The following RP1L1 variants were observed in gnomAD, a reference collection of about 807,000 sequenced individuals.
RP1L1 encodes the protein RP1 like 1, also known as retinitis pigmentosa 1-like 1 protein.
A neutral mutation model predicts 15.7 loss-of-function variants in RP1L1; 27 were observed. The observed-to-expected ratio is 1.72, with a 90% CI of 1.27 to 2.38. The LOEUF is 2.38. Among genes scored for constraint, RP1L1 ranks in the 30% most tolerant of loss-of-function variants. RP1L1 has a pLI of 0.00. For synonymous variants in RP1L1, 1,813 were observed against 1,276.7 expected, an observed-to-expected ratio of 1.42 and a Z score of -8.96; for missense variants, 4,798 against 3,075.9, an observed-to-expected ratio of 1.56 and a Z score of -13.24.
intron 1 of RP1L1, among the ~76,000 whole-genome samples, chr8:10,625,315 C>A (rs556810091): frequency 6.6e-6 from 1 of 152,280 alleles, no homozygotes; most frequent in African/African-American, 2.4e-5. Context: ...CAGAAGCTCC[C>A]AGGAGGGAGA....
chr8:10,651,273 C>G (rs1798556101), intron 1 of RP1L1, among the ~76,000 whole-genome samples: 1 of 152,130 alleles, frequency 6.6e-6, no homozygotes, highest in African/African-American at 2.4e-5. Context: ...TGTGTTTTAC[C>G]AAAACCTCCA....
chr8:10,630,668 G>T (rs1346377184), intron 1 of RP1L1, among the ~76,000 whole-genome samples: 1 of 152,164 alleles, frequency 6.6e-6, no homozygotes, highest in Non-Finnish European at 1.5e-5. Flanking sequence ...CAGGCAAATT[G>T]CCCTCCATTG....
chr8:10,650,316 T>C (rs7838734), intron 1 of RP1L1, among the ~76,000 whole-genome samples: 8,384 of 152,292 alleles, frequency 0.055, 687 homozygotes, highest in African/African-American at 0.18. Context: ...CTGGGAATTT[T>C]GTTTCCCATA....
chr8:10,610,186 C>T lies in RP1L1; in HGVS notation c.3912G>A (p.Glu1304=). ...CTCCTTCTGTTCCTTCTTTAGTTTC[C>T]TCTAATTGCACCTCTTCTTGCACTG... The part of the protein sequence containing the change: ...ENTVQEEVQL[E]ETKEGTEGEG... Residue 1304 remains glutamate, a synonymous_variant, in exon 4 of 4, where the codon GAG becomes GAA. Coordinates refer to ENST00000382483, the MANE Select transcript of RP1L1 (RefSeq NM_178857.6). The T allele has an allele frequency of 6.2e-7, 1 of 1,614,026 alleles. No individual in the cohort carries two copies. Among genetic ancestry groups the T allele is most frequent in the Non-Finnish European group, 8.5e-7 (1 of 1,179,914 alleles).
Position 10,607,286 on chromosome 8 carries a change from G to C in RP1L1, c.6812C>G (p.Pro2271Arg), listed in dbSNP as rs183232880. 4,274 of 1,614,230 alleles carry C rather than the reference G, an allele frequency of 2.6e-3. 11 individuals carry two copies. Among genetic ancestry groups the C allele is most frequent in the Non-Finnish European group, 2.5e-3 (3,006 of 1,180,044 alleles). Residue 2271 changes from proline to arginine, a missense_variant, in exon 4 of 4, where the codon CCA becomes CGA. Physicochemically the swap from Pro to Arg is moderately radical, Grantham distance 103. Transcript: ENST00000382483. ...TGGAGTGGGCCTGTCCTCAGGGACT[G>C]GGCTGCTGCTTTCAGAAGCCTCCTC... is the stretch of plus-strand genomic sequence containing the variant. ...QSEEASESSS[P>R]VPEDRPTPPP...
In RP1L1 at chr8:10,610,550, T is replaced by G. The variant is rs779815038; in HGVS notation, c.3548A>C (p.Asp1183Ala). ...CTCCGTCATGGCATGGGACCCAAGGTCTGGCAGAGCCTGGCTCCATGTGAG... is the reference window on the plus strand; with the variant it reads ...CTCCGTCATGGCATGGGACCCAAGGGCTGGCAGAGCCTGGCTCCATGTGAG... ...WELTWSQALPDLGSHAMTENF... is the reference protein window; with the variant it reads ...WELTWSQALPALGSHAMTENF... The change falls in exon 4 of 4, where the codon GAC (aspartate) becomes GCC (alanine). Residue 1183 changes from aspartate to alanine, a missense_variant. Transcript: ENST00000382483. 6.8e-6 allele frequency: 11 copies of G among 1,613,566 alleles called. No individual in the cohort carries two copies. The highest frequency in any genetic ancestry group is 3.3e-5 in the Admixed American group (2 of 60,020).
rs200515334 is a variant in RP1L1 at position 10,607,837 on chromosome 8, G to C, written c.6261C>G (p.Ala2087=). Residue 2087 remains alanine (A), a synonymous_variant, in exon 4 of 4, where the codon GCC becomes GCG. Coordinates refer to ENST00000382483, the MANE Select transcript of RP1L1 (RefSeq NM_178857.6). ...EAHPESEDVD[A]QEAEGEAQPE... The stretch of plus-strand genomic sequence containing the variant: ...GCTGGGCCTCCCCTTCTGCCTCCTG[G>C]GCATCTACATCTTCTGACTCTGGGT... 6.3e-7 allele frequency: 1 copy of C among 1,589,470 alleles called. No homozygotes were observed. Among genetic ancestry groups the C allele is most frequent in the South Asian group, 1.1e-5 (1 of 90,048 alleles).
rs1797966629 is a variant in RP1L1, at chr8:10,616,457, C to A, written c.740G>T (p.Arg247Ile). The change falls in exon 3 of 4, where the codon AGA becomes ATA. Residue 247 changes from arginine (R) to isoleucine (I), a missense_variant. Coordinates refer to ENST00000382483, the MANE Select transcript of RP1L1 (RefSeq NM_178857.6). ...AAAAACCAACTCACCGTTTTTGTTT[C>A]TTGAAGTCAGCCCAGATAAAGTTTC... is the stretch of plus-strand genomic sequence containing the variant. ...EAETLSGLTS[R>I]NKNGSWGPKT... 6.2e-7 allele frequency: 1 copy of A among 1,614,216 alleles called. No homozygotes were observed. The highest frequency in any genetic ancestry group is 1.3e-5 in the African/African-American group (1 of 75,076).
At chr8:10,642,176 T>G (rs1798416806) in intron 1 of RP1L1, among the ~76,000 whole-genome samples, 1 of 152,210 alleles carries the variant, frequency 6.6e-6, no homozygotes, top group Non-Finnish European at 1.5e-5. Context: ...ATGAAAGGTT[T>G]AGTTTTTTTC....
chr8:10,635,546 G>A (rs1302746910), intron 1 of RP1L1, among the ~76,000 whole-genome samples: 2 of 152,210 alleles, frequency 1.3e-5, no homozygotes, highest in African/African-American at 2.4e-5. Flanking sequence ...GGTCACGAAA[G>A]AAGACCAGGT....
chr8:10,636,190 A>G (rs995370358), intron 1 of RP1L1, among the ~76,000 whole-genome samples: 1 of 152,156 alleles, frequency 6.6e-6, no homozygotes, highest in Non-Finnish European at 1.5e-5. Flanking sequence ...CATCGCTCAG[A>G]CTTTCTGGGT....
Position 10,608,417 on chromosome 8 carries a change from T to C in RP1L1, c.5681A>G (p.Glu1894Gly), listed in dbSNP as rs751905424. The C allele has an allele frequency of 6.2e-7, 1 of 1,606,438 alleles. No homozygotes were observed. Among genetic ancestry groups the C allele is most frequent in the South Asian group, 1.1e-5 (1 of 90,664 alleles). Residue 1894 changes from glutamate to glycine, a missense_variant, in exon 4 of 4, where the codon GAG becomes GGG. Coordinates refer to ENST00000382483, the MANE Select transcript of RP1L1 (RefSeq NM_178857.6). Reference sequence around the variant, plus strand: ...CTCTGGCTGGACCTCCCATTCTGCCTCTGGGGTCTCTACATCTTCTGACTC... The same window carrying C: ...CTCTGGCTGGACCTCCCATTCTGCCCCTGGGGTCTCTACATCTTCTGACTC... ...QPESEDVETPEAEWEVQPESE... is the reference protein window; with the variant it reads ...QPESEDVETPGAEWEVQPESE...
intron 2 of RP1L1, among the ~76,000 whole-genome samples, chr8:10,617,707 C>T (rs1204421262): frequency 6.6e-6 from 1 of 151,832 alleles, no homozygotes; most frequent in Non-Finnish European, 1.5e-5. Flanking sequence ...CAGGTGCCCG[C>T]CACCATACTC....
chr8:10,623,092 GT>G lies in RP1L1; in HGVS notation c.109del (p.Thr37ProfsTer120), dbSNP rs1245911092. 1.2e-6 allele frequency: 2 copies of G among 1,613,864 alleles called. No homozygotes were observed. The highest frequency in any genetic ancestry group is 2.7e-5 in the African/African-American group (2 of 74,916). On this transcript the variant is annotated frameshift_variant, in exon 2 of 4. Coordinates refer to ENST00000382483, the MANE Select transcript of RP1L1 (RefSeq NM_178857.6). LOFTEE classifies it high-confidence loss of function. ...VTKVTPAKKI[T>X]FLKRGDPRFA... ...CCGTGGATCCCCTCGCTTGAGGAAGGTGATCTTCTTGGCTGGCGTGACCTTG... is the reference window on the plus strand; with the variant it reads ...CCGTGGATCCCCTCGCTTGAGGAAGGGATCTTCTTGGCTGGCGTGACCTTG...
In RP1L1 at chr8:10,611,785, G is replaced by A. The variant is rs774744667; in HGVS notation, c.2313C>T (p.Cys771=). 1 of 1,613,636 alleles carries A rather than the reference G, an allele frequency of 6.2e-7. No individual in the cohort carries two copies. The highest frequency in any genetic ancestry group is 1.1e-5 in the South Asian group (1 of 91,086). The change falls in exon 4 of 4, where the codon TGC becomes TGT. Residue 771 remains cysteine (C), a synonymous_variant. Transcript: ENST00000382483. ...GWAGDAGSRT[C]SPAPIPPHTS... ...TGTGGGGAGGTATGGGGGCCGGCGAGCATGTCCTGGACCCCGCGTCCCCTG... is the reference window on the plus strand; with the variant it reads ...TGTGGGGAGGTATGGGGGCCGGCGAACATGTCCTGGACCCCGCGTCCCCTG...
intron 1 of RP1L1, among the ~76,000 whole-genome samples, chr8:10,645,741 C>T (rs535704316): frequency 3.0e-4 from 45 of 152,262 alleles, no homozygotes; most frequent in African/African-American, 7.2e-5. Context: ...CGGACACCTG[C>T]GAGTGATGGC....
intron 2 of RP1L1, among the ~76,000 whole-genome samples, chr8:10,618,748 G>A (rs868305351): frequency 6.6e-6 from 1 of 152,180 alleles, no homozygotes; most frequent in Non-Finnish European, 1.5e-5. Flanking sequence ...TACCTTGTGA[G>A]TTTGTGTAGT....
chr8:10,617,489 T>G (rs1797986741), intron 2 of RP1L1, among the ~76,000 whole-genome samples: 1 of 150,094 alleles, frequency 6.7e-6, no homozygotes, highest in Admixed American at 6.6e-5. Context: ...GCACCAGATC[T>G]TTCAGCCTAG....
At position 10,622,702 on chromosome 8, in the gene RP1L1, G is replaced by T. The variant is rs775422104; in HGVS notation, c.500C>A (p.Thr167Lys). Residue 167 changes from threonine to lysine, a missense_variant, in exon 2 of 4, where the codon ACA becomes AAA. Transcript: ENST00000382483. ...IKNMDPRLQQ[T>K]VVLSHRNTRN... ...AGTATTCCTGTGACTGAGAACCACT[G>T]TCTGCTGGAGGCGAGGGTCCATGTT... The T allele has an allele frequency of 5.6e-6, 9 of 1,614,046 alleles. No homozygotes were observed. The highest frequency in any genetic ancestry group is 7.6e-6 in the Non-Finnish European group (9 of 1,180,042).
Sources: gnomAD v4.1 joint callset for allele counts (sites outside exome capture counted in the v4.1 genomes callset) on GRCh38, gnomAD v4.1.1 for gene constraint, MANE v1.5 for transcripts, NCBI Gene and HGNC (gene_info 2026-07-23, HGNC 2026-07-21) for gene names.